EYA2: variants seen among roughly 807,000 people sequenced by gnomAD.
The protein encoded by EYA2 is EYA transcriptional coactivator and phosphatase 2.
EYA2 carries 31 observed loss-of-function variants against 69.2 expected under a neutral mutation model. The ratio of observed to expected loss-of-function variants is 0.45; its 90% CI spans 0.34 to 0.60. EYA2 has a LOEUF of 0.60. EYA2 is among the 20% of genes least tolerant of loss of function. The pLI, the probability that EYA2 is intolerant of heterozygous loss-of-function variation, is 0.02. For missense variants in EYA2, 622 were observed against 701.2 expected (o/e 0.89, Z 1.28); for synonymous variants, 257 against 279.4 (o/e 0.92, Z 0.80).
intron 5 of EYA2, among the ~76,000 whole-genome samples, chr20:47,028,708 A>T (rs999131887): frequency 2.6e-5 from 4 of 152,202 alleles, no homozygotes; most frequent in African/African-American, 9.6e-5. Context: ...AAGCTCTAGG[A>T]CACAGGGCCA....
chr20:47,089,445 T>G, intron 8 of EYA2, 64 bp downstream of exon 8: 1 of 1,536,686 alleles, frequency 6.5e-7, no homozygotes, highest in Non-Finnish European at 8.8e-7. Context: ...CAAACAAGAG[T>G]GGGGACAGAG....
chr20:47,157,447 G>A (rs998225810), intron 10 of EYA2, among the ~76,000 whole-genome samples: 2 of 149,614 alleles, frequency 1.3e-5, no homozygotes, highest in African/African-American at 2.4e-5. Context: ...AGTCCTAAAT[G>A]ACATTTGTTA....
chr20:47,102,074 G>A (rs1042815449), intron 9 of EYA2, among the ~76,000 whole-genome samples: 36 of 152,184 alleles, frequency 2.4e-4, no homozygotes, highest in African/African-American at 8.7e-4. Flanking sequence ...AGGTCTGGCT[G>A]GATCCAGATG....
intron 11 of EYA2, among the ~76,000 whole-genome samples, chr20:47,170,429 C>G (rs1372335946): frequency 1.3e-5 from 2 of 151,596 alleles, no homozygotes; most frequent in Middle Eastern, 3.4e-3. Context: ...CAAGGATCAC[C>G]TGAGGTCAGG....
intron 5 of EYA2, among the ~76,000 whole-genome samples, chr20:47,070,823 TTAAA>T (rs1036424526): frequency 6.6e-6 from 1 of 152,180 alleles, no homozygotes; most frequent in African/African-American, 2.4e-5. Flanking sequence ...CCACAATTTT[TTAAA>T]TAAATAATTT....
chr20:47,104,206 GTTTTTATGTGC>G (rs1012141913), intron 9 of EYA2, among the ~76,000 whole-genome samples: 6 of 152,118 alleles, frequency 3.9e-5, no homozygotes, highest in African/African-American at 9.7e-5. Context: ...GACTAGTGAT[GTTTTTATGTGC>G]TTATTGGCCA....
chr20:46,952,896 A>G (rs1226342812), intron 1 of EYA2, among the ~76,000 whole-genome samples: 1 of 152,236 alleles, frequency 6.6e-6, no homozygotes, highest in African/African-American at 2.4e-5. Flanking sequence ...TGTTTTGCCC[A>G]GGGAAACTCT....
intron 5 of EYA2, among the ~76,000 whole-genome samples, chr20:47,050,220 T>C (rs1472488792): frequency 2.0e-5 from 3 of 152,202 alleles, no homozygotes; most frequent in African/African-American, 7.2e-5. Context: ...TGGCTTTCTC[T>C]CTTGTTAACT....
At chr20:47,147,637 T>C (rs547401452) in intron 10 of EYA2, among the ~76,000 whole-genome samples, 2 of 152,308 alleles carry the variant, frequency 1.3e-5, no homozygotes, top group South Asian at 2.1e-4. Context: ...GATGTGACTT[T>C]GGTTCAGAAG....
chr20:46,961,927 G>T (rs1979498910), intron 1 of EYA2, among the ~76,000 whole-genome samples: 1 of 152,174 alleles, frequency 6.6e-6, no homozygotes, highest in African/African-American at 2.4e-5. Flanking sequence ...CAAGAGAGGA[G>T]GAATAAGTTC....
chr20:47,011,439 A>G (rs1983051252), intron 4 of EYA2, among the ~76,000 whole-genome samples: 1 of 152,104 alleles, frequency 6.6e-6, no homozygotes, highest in African/African-American at 2.4e-5. Flanking sequence ...TCAAAGCCAA[A>G]GGTTTTCCAC....
intron 1 of EYA2, among the ~76,000 whole-genome samples, chr20:46,980,911 C>T (rs1471942228): frequency 6.6e-6 from 1 of 152,212 alleles, no homozygotes; most frequent in African/African-American, 2.4e-5. Flanking sequence ...CAGTTCCATC[C>T]ATGTTGCTGC....
chr20:47,066,978 C>G (rs2031134139), intron 5 of EYA2, among the ~76,000 whole-genome samples: 1 of 152,162 alleles, frequency 6.6e-6, no homozygotes, highest in Non-Finnish European at 1.5e-5. Context: ...GCCACGTGCC[C>G]CCTTCTTCCT....
chr20:47,121,023 G>C (rs865892999), intron 9 of EYA2, among the ~76,000 whole-genome samples: 28 of 152,146 alleles, frequency 1.8e-4, no homozygotes, highest in African/African-American at 6.5e-4. Context: ...GAACCATCTA[G>C]CCCTTGCAGT....
intron 4 of EYA2, among the ~76,000 whole-genome samples, chr20:47,010,676 C>CAT (rs10626121): frequency 0.62 from 91,541 of 148,728 alleles, 28,364 homozygotes; most frequent in East Asian, 0.77. Context: ...TTTATATCTA[C>CAT]ATATATATAT....
At chr20:47,016,522 G>C (rs938378435) in intron 5 of EYA2, among the ~76,000 whole-genome samples, 1 of 152,186 alleles carries the variant, frequency 6.6e-6, no homozygotes, top group Non-Finnish European at 1.5e-5. Context: ...ATTTGGGAAG[G>C]GGTTGAATGT....
chr20:46,974,027 A>G (rs890435410), intron 1 of EYA2, among the ~76,000 whole-genome samples: 5 of 152,144 alleles, frequency 3.3e-5, no homozygotes, highest in East Asian at 1.9e-4. Context: ...GGGGCTCTCA[A>G]TCCATCTCTG....
intron 9 of EYA2, among the ~76,000 whole-genome samples, chr20:47,120,473 C>T (rs552646048): frequency 2.0e-5 from 3 of 152,288 alleles, no homozygotes; most frequent in Admixed American, 6.5e-5. Flanking sequence ...TTTGTTAGAC[C>T]GCTGAGCCCA....
At chr20:47,086,822 TG>T (rs140371499) in intron 7 of EYA2, among the ~76,000 whole-genome samples, 1,898 of 151,814 alleles carry the variant, frequency 0.013, 46 homozygotes, top group African/African-American at 0.044. Context: ...TTTTTTTTTT[TG>T]GCACCCCTGC....
Sources: gnomAD v4.1 joint callset for allele counts (sites outside exome capture counted in the v4.1 genomes callset) on GRCh38, gnomAD v4.1.1 for gene constraint, MANE v1.5 for transcripts, NCBI Gene and HGNC (gene_info 2026-07-23, HGNC 2026-07-21) for gene names.